NECAB2: variants seen among roughly 807,000 people sequenced by gnomAD.
NECAB2 encodes the protein N-terminal EF-hand calcium binding protein 2, also known as N-terminal EF-hand calcium-binding protein 2.
In NECAB2, 68 loss-of-function variants were observed where a neutral mutation model predicts 51.9. The ratio of observed to expected loss-of-function variants is 1.31; its 90% CI spans 1.08 to 1.60. The LOEUF is 1.60. NECAB2 is among the 40% of genes most tolerant of loss of function. The pLI is 0.00. For missense variants in NECAB2, 854 were observed against 490.3 expected, an observed-to-expected ratio of 1.74 and a Z score of -7.00; for synonymous variants, 329 against 203.5, an observed-to-expected ratio of 1.62 and a Z score of -5.25.
rs771722982 is a variant in NECAB2 at position 83,980,821 on chromosome 16, CTCTG to C, written c.336-10_336-7del. 8 of 1,570,436 alleles carry C rather than the reference CTCTG, an allele frequency of 5.1e-6. No individual in the cohort carries two copies. In the Admixed American group the frequency reaches 5.7e-5, roughly 11 times the overall value. ...CCTCTCTGTCTCTGTCTGTCTCTGC[CTCTG>C]TCTGTCTCTGCAGCCATGTGGACAC... On this transcript the variant is annotated splice_polypyrimidine_tract_variant and intron_variant, in intron 3 of 12. Coordinates refer to ENST00000305202, the MANE Select transcript of NECAB2 (RefSeq NM_019065.3).
intron 9 of NECAB2, among the ~76,000 whole-genome samples, chr16:83,997,885 T>C (rs1017871024): frequency 4.6e-5 from 7 of 152,098 alleles, no homozygotes; most frequent in Non-Finnish European, 8.8e-5. Flanking sequence ...CCATCAACTA[T>C]GAGTTTTTCT....
chr16:83,989,268 A>C (rs1015948614), intron 5 of NECAB2, among the ~76,000 whole-genome samples: 4 of 152,078 alleles, frequency 2.6e-5, no homozygotes, highest in African/African-American at 7.2e-5. Context: ...AACCTGACAT[A>C]GTTTTGGCCA....
intron 3 of NECAB2, among the ~76,000 whole-genome samples, chr16:83,979,947 A>C (rs994998960): frequency 8.5e-5 from 13 of 152,312 alleles, no homozygotes; most frequent in Middle Eastern, 3.4e-3. Flanking sequence ...GCAGAATGAC[A>C]GGGTCGCTTT....
At chr16:83,986,417 A>G (rs2084556092) in intron 5 of NECAB2, among the ~76,000 whole-genome samples, 1 of 152,236 alleles carries the variant, frequency 6.6e-6, no homozygotes, top group African/African-American at 2.4e-5. Context: ...GTAAATAGCA[A>G]TTCCGAAATC....
In NECAB2 at chr16:83,990,555, C is replaced by T; in HGVS notation, c.521C>T (p.Ala174Val). 1 of 1,614,142 alleles carries T rather than the reference C, an allele frequency of 6.2e-7. No individual in the cohort carries two copies. The highest frequency in any genetic ancestry group is 8.5e-7 in the Non-Finnish European group (1 of 1,180,028). ...ACCCGCTTCCTCCTGAAGGAGACGG[C>T]CAATCAGATCCAGTCGCTGCTGAGC... Reference protein sequence around the residue: ...FVTRFLLKETANQIQSLLSSV... With the variant: ...FVTRFLLKETVNQIQSLLSSV... Residue 174 changes from alanine to valine, a missense_variant, in exon 6 of 13, where the codon GCC becomes GTC. Coordinates refer to ENST00000305202, the MANE Select transcript of NECAB2 (RefSeq NM_019065.3).
chr16:83,977,933 G>A (rs966441929), intron 2 of NECAB2, among the ~76,000 whole-genome samples: 1 of 152,208 alleles, frequency 6.6e-6, no homozygotes, highest in Non-Finnish European at 1.5e-5. Context: ...TGGAGTGGTG[G>A]CTCATCCAGC....
At position 83,975,520 on chromosome 16, in the gene NECAB2, C is replaced by T. The variant is rs1233070825; in HGVS notation, c.227-2924C>T. On this transcript the variant is annotated intron_variant, in intron 2 of 12. Transcript: ENST00000305202. The stretch of plus-strand genomic sequence containing the variant: ...TGGGGTGCAAACTCAAAGGACCCCC[C>T]AGGCTGCCCTTAGGACTTAGAGATT... Among the ~76,000 whole-genome samples the T allele has an allele frequency of 2.6e-5, 4 of 152,276 alleles. No homozygotes were observed. In the East Asian group the frequency reaches 7.7e-4, roughly 29 times the overall value.
chr16:83,973,628 C>T (rs764222890), intron 2 of NECAB2, among the ~76,000 whole-genome samples: 12 of 152,088 alleles, frequency 7.9e-5, no homozygotes, highest in Non-Finnish European at 1.5e-4. Flanking sequence ...ATGGGGTCGC[C>T]GGAGCCCTCA....
In NECAB2 at chr16:83,990,593, G is replaced by A; in HGVS notation, c.559G>A (p.Ala187Thr). ...IQSLLSSVES[A>T]VEAIEEQTSQ... ...GTCGCTGCTGAGCTCAGTGGAGAGTGCGGTGGAGGCCATCGAGGAACAGAC... is the reference window on the plus strand; with the variant it reads ...GTCGCTGCTGAGCTCAGTGGAGAGTACGGTGGAGGCCATCGAGGAACAGAC... Residue 187 changes from alanine (A) to threonine (T), a missense_variant, in exon 6 of 13, where the codon GCG becomes ACG. Transcript: ENST00000305202. 2 of 1,614,090 alleles carry A rather than the reference G, an allele frequency of 1.2e-6. No homozygotes were observed. The highest frequency in any genetic ancestry group is 1.7e-6 in the Non-Finnish European group (2 of 1,180,036).
At chr16:83,992,211 T>TA (rs59292213) in intron 6 of NECAB2, among the ~76,000 whole-genome samples, 48,529 of 151,790 alleles carry the variant, frequency 0.32, 13,898 homozygotes, top group African/African-American at 0.77. Context: ...GAGTGTTTCT[T>TA]TCTGGTCTTG....
chr16:83,984,037 C>A (rs1312428825), intron 5 of NECAB2, among the ~76,000 whole-genome samples: 1 of 141,780 alleles, frequency 7.1e-6, no homozygotes, highest in South Asian at 2.4e-4. Context: ...GCTCTGTCAT[C>A]CAGGCTGGAG....
intron 6 of NECAB2, among the ~76,000 whole-genome samples, chr16:83,994,067 C>A (rs1003302587): frequency 2.0e-5 from 3 of 152,192 alleles, no homozygotes; most frequent in Admixed American, 1.3e-4. Flanking sequence ...CCGTGGGGTC[C>A]TAGAATGGAG....
rs913329617 is a variant in NECAB2, at chr16:83,968,285, G to C, written c.-364G>C. 7.3e-5 allele frequency among the ~76,000 whole-genome samples: 11 copies of C among 151,356 alleles called. No individual in the cohort carries two copies. The highest frequency in any genetic ancestry group is 2.2e-4 in the African/African-American group (9 of 41,296). Reference sequence around the variant, plus strand: ...GAGTGGGAGGGGGGACTTTAGAAGCGGGGAGAGCAGGAGACTTTTGGGGAG... The same window carrying C: ...GAGTGGGAGGGGGGACTTTAGAAGCCGGGAGAGCAGGAGACTTTTGGGGAG... On this transcript the variant is annotated 5_prime_UTR_variant, in exon 1 of 13. Coordinates refer to ENST00000305202, the MANE Select transcript of NECAB2 (RefSeq NM_019065.3).
At chr16:83,967,422 G>C (rs1332080845), upstream of NECAB2, among the ~76,000 whole-genome samples, 1 of 136,920 alleles carries the variant, frequency 7.3e-6, no homozygotes, top group African/African-American at 2.8e-5. Context: ...TGAGAGGATG[G>C]TTGGATGGAT....
At chr16:83,982,856 GTTTTCTTTTTCT>G (rs751163758) in intron 5 of NECAB2, among the ~76,000 whole-genome samples, 14 of 151,384 alleles carry the variant, frequency 9.2e-5, no homozygotes, top group Admixed American at 2.6e-4. Flanking sequence ...CTTTTTTTTT[GTTTTCTTTTTCT>G]TTTTCTTTTT....
At chr16:83,971,781 A>C in intron 1 of NECAB2, 2 of 379,592 alleles carry the variant, frequency 5.3e-6, no homozygotes, top group South Asian at 7.3e-5. Flanking sequence ...TCCCTGGGAC[A>C]CTGATTCGGA....
intron 11 of NECAB2, among the ~76,000 whole-genome samples, 176 bp from the exon 12 acceptor site, chr16:84,001,649 C>T (rs139070922): frequency 5.3e-5 from 8 of 152,120 alleles, no homozygotes; most frequent in Non-Finnish European, 1.0e-4. Flanking sequence ...CACTGCCCAC[C>T]CCAGAGTCAG....
Position 83,968,603 on chromosome 16 carries a change from G to C in NECAB2, c.-46G>C. 1.0e-6 allele frequency: 1 copy of C among 977,132 alleles called. No homozygotes were observed. The highest frequency in any genetic ancestry group is 1.2e-4 in the East Asian group (1 of 8,558). 60.5% of individuals were successfully genotyped at this position (977,132 alleles called of 1,614,324 possible). A position where few individuals can be genotyped will look rare whatever the true frequency, so the allele number is the denominator to read the frequency against. ...GTCGCGCGGGGGCGGGCCGCAGCTG[G>C]GCGGGGGTCGGCGGGCTTCCGGGCG... On this transcript the variant is annotated 5_prime_UTR_variant, in exon 1 of 13. Transcript: ENST00000305202.
intron 1 of NECAB2, among the ~76,000 whole-genome samples, chr16:83,970,624 G>C (rs2084337548): frequency 6.6e-6 from 1 of 152,182 alleles, no homozygotes; most frequent in South Asian, 2.1e-4. Context: ...AAGGGTCAGA[G>C]TGAGTATTAC....
Sources: allele counts gnomAD v4.1 joint callset (sites outside exome capture counted in the v4.1 genomes callset), GRCh38; gene constraint gnomAD v4.1.1; transcripts MANE v1.5; gene names NCBI Gene and HGNC (gene_info 2026-07-23, HGNC 2026-07-21).